The following WDR72 variants were observed in gnomAD, a reference collection of about 807,000 sequenced individuals.
WDR72 encodes WD repeat-containing protein 72.
Under a neutral mutation model 124.2 loss-of-function variants are expected in WDR72, and 120 were observed. The ratio of observed to expected loss-of-function variants is 0.97; its 90% CI spans 0.83 to 1.12. The LOEUF is 1.12. WDR72 is among the 50% of genes most tolerant of loss of function. The probability of loss-of-function intolerance (pLI) is 0.00; values close to 1 mark genes in which losing one functional copy is unlikely to be tolerated. For missense variants in WDR72, 1,387 were observed against 1,278.8 expected (o/e 1.08, Z -1.29); for synonymous variants, 452 against 441.7 (o/e 1.02, Z -0.29).
intron 14 of WDR72, among the ~76,000 whole-genome samples, chr15:53,651,541 T>C (rs1483357439): frequency 1.3e-5 from 2 of 152,240 alleles, no homozygotes; most frequent in Admixed American, 1.3e-4. Context: ...AAAACTTACA[T>C]AACATGCAGA....
intron 18 of WDR72, among the ~76,000 whole-genome samples, chr15:53,567,164 G>A (rs1433263720): frequency 6.6e-6 from 1 of 151,992 alleles, no homozygotes; most frequent in East Asian, 1.9e-4. Flanking sequence ...GTTTATGTGA[G>A]CTGTGTGTCC....
intron 14 of WDR72, among the ~76,000 whole-genome samples, chr15:53,619,671 A>G (rs2013910856): frequency 6.6e-6 from 1 of 151,940 alleles, no homozygotes; most frequent in Non-Finnish European, 1.5e-5. Context: ...ACTGCACTGG[A>G]CCTGGAAATT....
At chr15:53,645,070 G>A (rs1361128462) in intron 14 of WDR72, among the ~76,000 whole-genome samples, 1 of 152,102 alleles carries the variant, frequency 6.6e-6, no homozygotes, top group Admixed American at 6.6e-5. Flanking sequence ...TGACTTTACT[G>A]TGTATTCTTG....
chr15:53,722,723 C>T (rs1003514531), intron 3 of WDR72, 79 bp downstream of exon 3: 13 of 1,254,432 alleles, frequency 1.0e-5, no homozygotes, highest in Non-Finnish European at 1.3e-5. Flanking sequence ...TTTCCTTCAG[C>T]CCTAAAATTG....
At chr15:53,652,558 C>T (rs1341807036) in intron 14 of WDR72, among the ~76,000 whole-genome samples, 1 of 152,098 alleles carries the variant, frequency 6.6e-6, no homozygotes. Flanking sequence ...AAAGTTATTA[C>T]AAACCTGTTG....
chr15:53,726,044 C>A (rs999626991), intron 2 of WDR72, among the ~76,000 whole-genome samples: 3 of 150,466 alleles, frequency 2.0e-5, no homozygotes, highest in African/African-American at 7.3e-5. Flanking sequence ...TGCACTACAG[C>A]CTGGGTGACA....
chr15:53,653,764 G>A (rs1284042590), intron 14 of WDR72, among the ~76,000 whole-genome samples: 1 of 152,134 alleles, frequency 6.6e-6, no homozygotes, highest in Non-Finnish European at 1.5e-5. Flanking sequence ...TATTATGGCT[G>A]AAGAATATGT....
At chr15:53,545,067 C>T (rs888169712) in intron 18 of WDR72, among the ~76,000 whole-genome samples, 29 of 147,986 alleles carry the variant, frequency 2.0e-4, no homozygotes, top group East Asian at 2.0e-3. Flanking sequence ...GAATCAATAT[C>T]GTGAAAATGG....
In WDR72 at chr15:53,699,842, A is replaced by T; in HGVS notation, c.1673T>A (p.Phe558Tyr). The stretch of plus-strand genomic sequence containing the variant: ...GTGCCATTTTATCATCCTCACAGGA[A>T]AAAGGTGCTTCCGGGCATGCAGGAG... The part of the protein sequence containing the change: ...SCLLHARKHL[F>Y]PVRMIKWHPV... The change falls in exon 13 of 20, where the codon TTT becomes TAT. Residue 558 changes from phenylalanine (F) to tyrosine (Y), a missense_variant. Transcript: ENST00000360509. The T allele has an allele frequency of 6.2e-7, 1 of 1,614,206 alleles. No homozygotes were observed.
intron 14 of WDR72, among the ~76,000 whole-genome samples, chr15:53,632,563 G>A (rs117400067): frequency 1.3e-5 from 2 of 152,268 alleles, no homozygotes; most frequent in East Asian, 3.9e-4. Flanking sequence ...TCATCCTCCA[G>A]TCCCCAGAAT....
chr15:53,741,840 G>C (rs1287434368), intron 1 of WDR72, among the ~76,000 whole-genome samples: 6 of 151,738 alleles, frequency 4.0e-5, no homozygotes, highest in Non-Finnish European at 5.9e-5. Context: ...CGATTCTCCT[G>C]TCTCAGCCTC....
Position 53,660,697 on chromosome 15 carries a change from G to A in WDR72, c.1962+4875C>T, listed in dbSNP as rs574853173. ...TAGATAAAGATGCACATATAAGTGC[G>A]TTATTTAAAGAAAATTCCATTAAAA... is the stretch of plus-strand genomic sequence containing the variant. On this transcript the variant is annotated intron_variant, in intron 14 of 19. Transcript: ENST00000360509. Among the ~76,000 whole-genome samples the A allele has an allele frequency of 1.6e-3, 242 of 151,976 alleles. 1 individual carries two copies. Among genetic ancestry groups the A allele is most frequent in the Non-Finnish European group, 2.7e-3 (185 of 67,962 alleles).
At chr15:53,707,090 G>A (rs113599304) in intron 9 of WDR72, among the ~76,000 whole-genome samples, 1 of 152,052 alleles carries the variant, frequency 6.6e-6, no homozygotes, top group Non-Finnish European at 1.5e-5. Context: ...TCTCTTTGGC[G>A]CAGAAATAAA....
At position 53,609,565 on chromosome 15, in the gene WDR72, G is replaced by C. The variant is rs1318754929; in HGVS notation, c.2900C>G (p.Ala967Gly). 6.2e-7 allele frequency: 1 copy of C among 1,613,376 alleles called. No homozygotes were observed. Among genetic ancestry groups the C allele is most frequent in the African/African-American group, 1.3e-5 (1 of 74,876 alleles). The change falls in exon 17 of 20, where the codon GCT (alanine) becomes GGT (glycine). Residue 967 changes from alanine (A) to glycine (G), a missense_variant. Transcript: ENST00000360509. Reference sequence around the variant, plus strand: ...AATTAGCTTCAAAAGTGAAAGGTCAGCCTCAGGTACATGGGATTCATTCTT... The same window carrying C: ...AATTAGCTTCAAAAGTGAAAGGTCACCCTCAGGTACATGGGATTCATTCTT... ...NGKNESHVPE[A>G]DLSLLKLISC...
At chr15:53,528,304 A>C (rs1306020774) in intron 18 of WDR72, among the ~76,000 whole-genome samples, 1 of 152,094 alleles carries the variant, frequency 6.6e-6, no homozygotes, top group Non-Finnish European at 1.5e-5. Context: ...TTTGAATAGC[A>C]ATAGTTACAT....
At chr15:53,732,070 T>G (rs1396680706) in intron 2 of WDR72, among the ~76,000 whole-genome samples, 1 of 152,196 alleles carries the variant, frequency 6.6e-6, no homozygotes, top group Admixed American at 6.5e-5. Context: ...AGGGAGCCAC[T>G]ATTTTTAAAG....
At chr15:53,730,375 C>T (rs1350079739) in intron 2 of WDR72, among the ~76,000 whole-genome samples, 1 of 152,134 alleles carries the variant, frequency 6.6e-6, no homozygotes, top group African/African-American at 2.4e-5. Context: ...AAGTCTGTCT[C>T]CCATACTGGA....
At chr15:53,756,985 A>C (rs2018925976) in intron 1 of WDR72, among the ~76,000 whole-genome samples, 1 of 152,244 alleles carries the variant, frequency 6.6e-6, no homozygotes, top group African/African-American at 2.4e-5. Flanking sequence ...CTAGCTCTGT[A>C]AATGAAAATT....
chr15:53,544,550 A>G (rs1464317964), intron 18 of WDR72, among the ~76,000 whole-genome samples: 1 of 148,692 alleles, frequency 6.7e-6, no homozygotes, highest in Non-Finnish European at 1.5e-5. Flanking sequence ...CCCACAGCCG[A>G]TATCATACTG....
Sources: gnomAD v4.1 joint callset for allele counts (sites outside exome capture counted in the v4.1 genomes callset) on GRCh38, gnomAD v4.1.1 for gene constraint, MANE v1.5 for transcripts, NCBI Gene and HGNC (gene_info 2026-07-23, HGNC 2026-07-21) for gene names.